GZMH: variants seen among roughly 807,000 people sequenced by gnomAD.
The protein encoded by GZMH is granzyme H, also known as cathepsin G-like 2, protein h-CCPX.
GZMH carries 24 observed loss-of-function variants against 20.7 expected under a neutral mutation model. That is an observed-to-expected ratio of 1.16 (90% CI 0.84 to 1.63). The LOEUF is 1.63. GZMH is among the 40% of genes most tolerant of loss of function. The pLI is 0.00. For synonymous variants in GZMH, 119 were observed against 116.1 expected, an observed-to-expected ratio of 1.02 and a Z score of -0.16; for missense variants, 344 against 302.7, an observed-to-expected ratio of 1.14 and a Z score of -1.01.
rs570684860 is a variant in GZMH, at chr14:24,607,263, T to G, written c.483A>C (p.Glu161Asp). The part of the protein sequence containing the change: ...SMSTLATTLQ[E>D]VLLTVQKDCQ... ...AGTCCTTCTGCACTGTCAGCAACAC[T>G]TCCTGCAGTGTGGTTGCTAAAGTGC... is the stretch of plus-strand genomic sequence containing the variant. The change falls in exon 4 of 5, where the codon GAA becomes GAC. Residue 161 changes from glutamate to aspartate, a missense_variant. By Grantham distance (45) the Glu-to-Asp change is conservative (BLOSUM62 2). Coordinates refer to ENST00000216338, the MANE Select transcript of GZMH (RefSeq NM_033423.5). The G allele has an allele frequency of 4.6e-5, 75 of 1,614,136 alleles. 1 individual carries two copies. In the South Asian group the frequency reaches 7.8e-4, roughly 17 times the overall value.
intron 4 of GZMH, 28 bp from the exon 5 acceptor site, chr14:24,606,774 C>CTAG: frequency 2.5e-6 from 4 of 1,604,616 alleles, no homozygotes; most frequent in Non-Finnish European, 3.4e-6. Flanking sequence ...AAAGACTGAG[C>CTAG]TAGTGTTCCC....
At position 24,607,722 on chromosome 14, in the gene GZMH, G is replaced by C; in HGVS notation, c.229C>G (p.His77Asp). 6.2e-7 allele frequency: 1 copy of C among 1,614,036 alleles called. No individual in the cohort carries two copies. ...GTCCGCTCCTGTTCCTTGATATTGT[G>C]GGCCCCCAAGGTGACATTTATGGAG... The part of the protein sequence containing the change: ...GSSINVTLGA[H>D]NIKEQERTQQ... Residue 77 changes from histidine (H) to aspartate (D), a missense_variant, in exon 3 of 5, where the codon CAC becomes GAC. By Grantham distance (81) the His-to-Asp change is moderately conservative. Coordinates refer to ENST00000216338, the MANE Select transcript of GZMH (RefSeq NM_033423.5).
chr14:24,607,847 C>A, intron 2 of GZMH, 100 bp from the exon 3 acceptor site: 1 of 1,570,610 alleles, frequency 6.4e-7, no homozygotes, highest in South Asian at 1.2e-5. Context: ...AGGGCTGCAG[C>A]TGAGGGGAAG....
chr14:24,607,167 C>A lies in GZMH; in HGVS notation c.579G>T (p.Lys193Asn). Residue 193 changes from lysine to asparagine, a missense_variant, in exon 4 of 5, where the codon AAG becomes AAT. Coordinates refer to ENST00000216338, the MANE Select transcript of GZMH (RefSeq NM_033423.5). ...ATEICVGDPK[K>N]TQTGFKGDSG... is the part of the protein sequence containing the mutation. ...ACCCAACCTTGAAACCGGTCTGTGT[C>A]TTCTTTGGATCCCCCACACAAATCT... 1.2e-6 allele frequency: 2 copies of A among 1,613,452 alleles called. No homozygotes were observed. The highest frequency in any genetic ancestry group is 1.7e-6 in the Non-Finnish European group (2 of 1,179,586).
At chr14:24,608,683 C>T (rs2066890416) in intron 1 of GZMH, among the ~76,000 whole-genome samples, 1 of 152,232 alleles carries the variant, frequency 6.6e-6, no homozygotes, top group African/African-American at 2.4e-5. Context: ...TCTATTTTCA[C>T]AGTGGTAGAG....
intron 4 of GZMH, 50 bp from the exon 5 acceptor site, chr14:24,606,796 G>A (rs778676506): frequency 3.2e-6 from 5 of 1,563,092 alleles, no homozygotes; most frequent in Non-Finnish European, 4.4e-6. Context: ...GGGATGGGTG[G>A]TCTCTGTTAT....
chr14:24,609,602 G>GAATT lies in GZMH; in HGVS notation c.11_12insAATT (p.Phe4LeufsTer24). 6.2e-7 allele frequency: 1 copy of GAATT among 1,611,054 alleles called. No individual in the cohort carries two copies. The highest frequency in any genetic ancestry group is 8.5e-7 in the Non-Finnish European group (1 of 1,178,556). On this transcript the variant is annotated frameshift_variant, in exon 1 of 5. Transcript: ENST00000216338. LOFTEE classifies it high-confidence loss of function. ...TCAGAAGAAAGGCCAACAGGAGGAGGAATGGCTGCATTTTCTCAGGAAGGC... is the reference window on the plus strand; with the variant it reads ...TCAGAAGAAAGGCCAACAGGAGGAGGAATTAATGGCTGCATTTTCTCAGGAAGGC...
At chr14:24,606,856 C>T (rs2066872909) in intron 4 of GZMH, 110 bp from the exon 5 acceptor site, 1 of 990,418 alleles carries the variant, frequency 1.0e-6, no homozygotes, top group East Asian at 2.4e-5. Flanking sequence ...TCACCTCCCT[C>T]AGTCCTGGGT....
intron 2 of GZMH, 91 bp downstream of exon 2, chr14:24,608,174 A>T (rs2066885211): frequency 3.6e-6 from 5 of 1,382,310 alleles, no homozygotes; most frequent in Admixed American, 3.6e-5. Context: ...GTTACCAGGA[A>T]CTCTGGAAGC....
At chr14:24,608,205 A>C in intron 2 of GZMH, 60 bp downstream of exon 2, 1 of 1,588,494 alleles carries the variant, frequency 6.3e-7, no homozygotes, top group East Asian at 2.2e-5. Flanking sequence ...TGCAGTCCCC[A>C]GGAGAAAACA....
chr14:24,608,237 C>T (rs759528432), intron 2 of GZMH, 28 bp downstream of exon 2: 28 of 1,613,438 alleles, frequency 1.7e-5, no homozygotes, highest in African/African-American at 2.7e-5. Context: ...AGGGGGAACT[C>T]AGGAGGTGAG....
At chr14:24,607,504 C>T (rs1594817739) in intron 3 of GZMH, 98 bp from the exon 4 acceptor site, 1 of 1,598,332 alleles carries the variant, frequency 6.3e-7, no homozygotes, top group Non-Finnish European at 8.5e-7. Context: ...CTCTAAGGCA[C>T]AGGAACTGAC....
At chr14:24,609,535 T>C (rs779719556) in intron 1 of GZMH, 24 bp downstream of exon 1, 2 of 1,567,894 alleles carry the variant, frequency 1.3e-6, no homozygotes, top group Non-Finnish European at 1.7e-6. Flanking sequence ...GGTTCAGGCC[T>C]CTGGAATAGG....
At position 24,607,728 on chromosome 14, in the gene GZMH, C is replaced by T. The variant is rs1260267845; in HGVS notation, c.223G>A (p.Gly75Arg). ...TCCTGTTCCTTGATATTGTGGGCCC[C>T]CAAGGTGACATTTATGGAGCTGCAC... ...CQGSSINVTL[G>R]AHNIKEQERT... is the part of the protein sequence containing the mutation. The change falls in exon 3 of 5, where the codon GGG (glycine) becomes AGG (arginine). Residue 75 changes from glycine (G) to arginine (R), a missense_variant. Coordinates refer to ENST00000216338, the MANE Select transcript of GZMH (RefSeq NM_033423.5). 2.5e-6 allele frequency: 4 copies of T among 1,613,972 alleles called. No individual in the cohort carries two copies. Among genetic ancestry groups the T allele is most frequent in the East Asian group, 4.5e-5 (2 of 44,868 alleles).
rs150373526 is a variant in GZMH, at chr14:24,606,713, C to T, written c.631G>A (p.Val211Ile). The T allele has an allele frequency of 1.5e-5, 25 of 1,613,816 alleles. No homozygotes were observed. The highest frequency in any genetic ancestry group is 6.7e-5 in the East Asian group (3 of 44,874). ...CCATAGGAGAGAATACCTTGGGCTA[C>T]GTCCTTACACACGAGGGGCCCCCCG... ...DSGGPLVCKD[V>I]AQGILSYGNK... The change falls in exon 5 of 5, where the codon GTA (valine) becomes ATA (isoleucine). Residue 211 changes from valine (V) to isoleucine (I), a missense_variant. Transcript: ENST00000216338.
rs781433826 is a variant in GZMH, at chr14:24,607,620, G to A, written c.331C>T (p.Leu111=). 6.2e-6 allele frequency: 10 copies of A among 1,612,486 alleles called. No individual in the cohort carries two copies. The South Asian group carries it at 1.1e-4, about 18-fold the overall frequency. The stretch of plus-strand genomic sequence containing the variant: ...GCAGGAGTGTGCCTCACCTGCAGTA[G>A]CATGATGTCGTTGGAGAAGTTCTTA... ...NPKNFSNDIM[L]LQLERKAKWT... The change falls in exon 3 of 5, where the codon CTA becomes TTA. Residue 111 remains leucine (L), a synonymous_variant. Coordinates refer to ENST00000216338, the MANE Select transcript of GZMH (RefSeq NM_033423.5).
Position 24,609,635 on chromosome 14 carries a change from G to A in GZMH, c.-22C>T. 6.3e-7 allele frequency: 1 copy of A among 1,599,986 alleles called. No individual in the cohort carries two copies. The highest frequency in any genetic ancestry group is 1.1e-5 in the South Asian group (1 of 89,734). On this transcript the variant is annotated 5_prime_UTR_variant, in exon 1 of 5. Transcript: ENST00000216338. Reference sequence around the variant, plus strand: ...GCATTTTCTCAGGAAGGCTGCCCAGGTCAGAGCTGTTGGTGTTGACTCCTT... The same window carrying A: ...GCATTTTCTCAGGAAGGCTGCCCAGATCAGAGCTGTTGGTGTTGACTCCTT...
rs761358416 is a variant in GZMH, at chr14:24,609,608, C to A, written c.6G>T (p.Gln2His). ...GAAAGGCCAACAGGAGGAGGAATGG[C>A]TGCATTTTCTCAGGAAGGCTGCCCA... M[Q>H]PFLLLLAFLL... The change falls in exon 1 of 5, where the codon CAG (glutamine) becomes CAT (histidine). Residue 2 changes from glutamine (Q) to histidine (H), a missense_variant. Coordinates refer to ENST00000216338, the MANE Select transcript of GZMH (RefSeq NM_033423.5). The A allele has an allele frequency of 1.5e-5, 24 of 1,610,762 alleles. No individual in the cohort carries two copies. Among genetic ancestry groups the A allele is most frequent in the Non-Finnish European group, 8.5e-7 (1 of 1,178,436 alleles).
chr14:24,606,828 C>T (rs988508192), intron 4 of GZMH, 82 bp from the exon 5 acceptor site: 62 of 1,286,504 alleles, frequency 4.8e-5, no homozygotes, highest in Non-Finnish European at 6.3e-5. Flanking sequence ...GACATCAGTG[C>T]CAGGCAGGCC....
Sources: gnomAD v4.1 joint callset for allele counts (sites outside exome capture counted in the v4.1 genomes callset) on GRCh38, gnomAD v4.1.1 for gene constraint, MANE v1.5 for transcripts, NCBI Gene and HGNC (gene_info 2026-07-23, HGNC 2026-07-21) for gene names.